Variants in HSD17B3 observed in about 807,000 individuals in gnomAD.
HSD17B3 encodes the protein hydroxysteroid 17-beta dehydrogenase 3, also known as 17-beta-hydroxysteroid dehydrogenase type 3.
Under a neutral mutation model 41.1 loss-of-function variants are expected in HSD17B3, and 29 were observed. That is an observed-to-expected ratio of 0.71 (90% CI 0.53 to 0.96). The LOEUF (loss-of-function observed/expected upper bound fraction) is 0.96, where lower values mean the gene tolerates loss of function less well. Among genes scored for constraint, HSD17B3 ranks in the 40% least tolerant of loss-of-function variants. The pLI is 0.00. For synonymous variants in HSD17B3, 126 were observed against 145.6 expected, an observed-to-expected ratio of 0.87 and a Z score of 0.97; for missense variants, 323 against 374.6, an observed-to-expected ratio of 0.86 and a Z score of 1.14.
Position 96,265,497 on chromosome 9 carries a change from A to G in HSD17B3, c.202-10554T>C, listed in dbSNP as rs187669875. On this transcript the variant is annotated intron_variant, in intron 2 of 10. Coordinates refer to ENST00000375263, the MANE Select transcript of HSD17B3 (RefSeq NM_000197.2). ...GCCACAACAGTTATACTATAATCCTAATGTCTATAAGATTTCAGAAATAAT... is the reference window on the plus strand; with the variant it reads ...GCCACAACAGTTATACTATAATCCTGATGTCTATAAGATTTCAGAAATAAT... Among the ~76,000 whole-genome samples the G allele has an allele frequency of 3.6e-3, 551 of 152,326 alleles. 2 individuals carry two copies. The highest frequency in any genetic ancestry group is 6.4e-3 in the Non-Finnish European group (433 of 68,028).
At chr9:96,296,708 G>A (rs1480245930) in intron 2 of HSD17B3, among the ~76,000 whole-genome samples, 1 of 152,118 alleles carries the variant, frequency 6.6e-6, no homozygotes, top group Non-Finnish European at 1.5e-5. Flanking sequence ...GTTAAATTAT[G>A]GACCATCCAT....
At chr9:96,271,684 T>C (rs1233265626) in intron 2 of HSD17B3, among the ~76,000 whole-genome samples, 1 of 152,212 alleles carries the variant, frequency 6.6e-6, no homozygotes, top group Non-Finnish European at 1.5e-5. Context: ...TACTTGCCAA[T>C]AGGGAAAGCT....
chr9:96,275,555 G>C (rs557316616), intron 2 of HSD17B3, among the ~76,000 whole-genome samples: 1 of 151,862 alleles, frequency 6.6e-6, no homozygotes, highest in African/African-American at 2.4e-5. Flanking sequence ...ACTGCAGCCT[G>C]GGTGACAGAG....
chr9:96,298,277 G>C (rs1456352106), intron 2 of HSD17B3, 139 bp downstream of exon 2: 2 of 768,396 alleles, frequency 2.6e-6, no homozygotes, highest in African/African-American at 1.7e-5. Flanking sequence ...ATTTTTGTTT[G>C]CTTTTCCATA....
intron 2 of HSD17B3, among the ~76,000 whole-genome samples, chr9:96,292,501 T>C (rs577564845): frequency 5.2e-4 from 79 of 152,170 alleles, no homozygotes; most frequent in African/African-American, 1.6e-3. Context: ...GTGCCCACCA[T>C]CATGCCCAGC....
In HSD17B3 at chr9:96,250,377, G is replaced by C. The variant is rs1477562910; in HGVS notation, c.454-591C>G. ...ACAGAGCCCACACAGGAGATGTGTG[G>C]TCCAGAGAGGAGTTCAGGAGTTTGG... On this transcript the variant is annotated intron_variant, in intron 5 of 10. Transcript: ENST00000375263. 5.6e-6 allele frequency: 6 copies of C among 1,071,428 alleles called. No individual in the cohort carries two copies. The African/African-American group carries it at 8.2e-5, about 15-fold the overall frequency. 66.4% of individuals were successfully genotyped at this position (1,071,428 alleles called of 1,614,324 possible).
At chr9:96,286,060 A>G (rs10820228) in intron 2 of HSD17B3, among the ~76,000 whole-genome samples, 73,491 of 152,024 alleles carry the variant, frequency 0.48, 18,655 homozygotes, top group East Asian at 0.66. Flanking sequence ...AAAACAGGTT[A>G]GGGCCAGGTG....
chr9:96,254,719 C>T (rs1403257850), intron 3 of HSD17B3, 149 bp downstream of exon 3: 4 of 719,360 alleles, frequency 5.6e-6, no homozygotes, highest in South Asian at 4.7e-5. Flanking sequence ...CTATCCCGCC[C>T]TCTGCTTTGT....
At chr9:96,291,699 G>T (rs1827165741) in intron 2 of HSD17B3, among the ~76,000 whole-genome samples, 1 of 152,208 alleles carries the variant, frequency 6.6e-6, no homozygotes, top group African/African-American at 2.4e-5. Context: ...GCTCATGCCT[G>T]TAATCCCAGC....
chr9:96,255,445 A>C (rs1244399460), intron 2 of HSD17B3, among the ~76,000 whole-genome samples: 1 of 121,172 alleles, frequency 8.3e-6, no homozygotes, highest in Non-Finnish European at 1.6e-5. Context: ...GCTGGAGTGC[A>C]ATGGTGTAAT....
chr9:96,270,269 C>CAG lies in HSD17B3; in HGVS notation c.202-15328_202-15327dup, dbSNP rs961122103. The stretch of plus-strand genomic sequence containing the variant: ...ACATACACACACACACACACACACA[C>CAG]AGAGAGAGAGAGAGAGAGAGACAGA... On this transcript the variant is annotated intron_variant, in intron 2 of 10. Transcript: ENST00000375263. Among the ~76,000 whole-genome samples, 76 of 150,882 alleles carry CAG rather than the reference C, an allele frequency of 5.0e-4. 1 individual carries two copies. In the Middle Eastern group the frequency reaches 0.021, roughly 41 times the overall value.
At chr9:96,249,048 G>T (rs1836788555) in intron 6 of HSD17B3, among the ~76,000 whole-genome samples, 1 of 152,054 alleles carries the variant, frequency 6.6e-6, no homozygotes, top group Non-Finnish European at 1.5e-5. Context: ...TGGGATTACA[G>T]GTGCCTGCCA....
At chr9:96,276,843 G>C (rs952819737) in intron 2 of HSD17B3, among the ~76,000 whole-genome samples, 1 of 152,130 alleles carries the variant, frequency 6.6e-6, no homozygotes, top group Admixed American at 6.6e-5. Flanking sequence ...ATGTTGGTCA[G>C]GGCAATTATT....
At chr9:96,277,560 C>T (rs1005290082) in intron 2 of HSD17B3, among the ~76,000 whole-genome samples, 1 of 152,110 alleles carries the variant, frequency 6.6e-6, no homozygotes, top group Non-Finnish European at 1.5e-5. Flanking sequence ...ATAAAAAAGA[C>T]AAAAGATAAG....
rs76694466 is a variant in HSD17B3 at position 96,297,948 on chromosome 9, C to G, written c.201+468G>C. On this transcript the variant is annotated intron_variant, in intron 2 of 10. Transcript: ENST00000375263. ...ATACTAATTGTATTCTAGTGACTCT[C>G]AGTTCTATTAGACCTTCTTTTTATA... Among the ~76,000 whole-genome samples, 1,284 of 152,270 alleles carry G rather than the reference C, an allele frequency of 8.4e-3. 27 individuals carry two copies. The highest frequency in any genetic ancestry group is 0.029 in the African/African-American group (1,222 of 41,560).
intron 2 of HSD17B3, among the ~76,000 whole-genome samples, chr9:96,269,111 CTT>C (rs2130757659): frequency 6.6e-6 from 1 of 152,294 alleles, no homozygotes; most frequent in South Asian, 2.1e-4. Context: ...CATAACTAGA[CTT>C]TGTGGTAGAG....
intron 2 of HSD17B3, among the ~76,000 whole-genome samples, chr9:96,272,403 CTCTATA>C (rs1366466931): frequency 3.2e-4 from 9 of 28,128 alleles, no homozygotes; most frequent in South Asian, 1.3e-3. Flanking sequence ...CTCTCTCTCT[CTCTATA>C]TATATATATA....
chr9:96,242,608 A>G (rs986333800), intron 9 of HSD17B3, among the ~76,000 whole-genome samples: 4 of 152,130 alleles, frequency 2.6e-5, no homozygotes, highest in African/African-American at 9.7e-5. Flanking sequence ...GGAGAGGCCA[A>G]TTGGTTTTTG....
intron 2 of HSD17B3, among the ~76,000 whole-genome samples, chr9:96,295,658 A>G (rs537354725): frequency 7.2e-5 from 11 of 152,262 alleles, no homozygotes; most frequent in Non-Finnish European, 1.3e-4. Context: ...TTTAACTGAC[A>G]TGCTTGAGGT....
Sources: gnomAD v4.1 joint callset for allele counts (sites outside exome capture counted in the v4.1 genomes callset) on GRCh38, gnomAD v4.1.1 for gene constraint, MANE v1.5 for transcripts, NCBI Gene and HGNC (gene_info 2026-07-23, HGNC 2026-07-21) for gene names.